Variants in COL4A3 observed in about 807,000 individuals in gnomAD.
COL4A3 encodes collagen alpha-3(IV) chain.
COL4A3 carries 135 observed loss-of-function variants against 217.4 expected under a neutral mutation model. That is an observed-to-expected ratio of 0.62 (90% CI 0.54 to 0.72). The LOEUF is 0.72. Ranked by LOEUF, COL4A3 falls within the 30% of genes least tolerant of loss-of-function variation. COL4A3 has a pLI of 0.00. For missense variants in COL4A3, 1,868 were observed against 2,119.9 expected (o/e 0.88, Z 2.33); for synonymous variants, 690 against 736.3 (o/e 0.94, Z 1.02).
At position 227,270,818 on chromosome 2, in the gene COL4A3, G is replaced by A. The variant is rs532699116; in HGVS notation, c.1624G>A (p.Glu542Lys). The change falls in exon 25 of 52, where the codon GAA (glutamate) becomes AAA (lysine). Residue 542 changes from glutamate (E) to lysine (K), a missense_variant. By Grantham distance (56) the Glu-to-Lys change is moderately conservative. Coordinates refer to ENST00000396578, the MANE Select transcript of COL4A3 (RefSeq NM_000091.5). ...GDPGLKGEKG[E>K]TLQPEGQVGV... ...CCCAGGACTTAAAGGAGAAAAAGGT[G>A]AAACACTTCAGCCTGAGGGGCAAGT... 8.1e-6 allele frequency: 13 copies of A among 1,614,154 alleles called. No homozygotes were observed. The highest frequency in any genetic ancestry group is 2.2e-5 in the East Asian group (1 of 44,888).
chr2:227,239,393 G>T (rs75361253), intron 2 of COL4A3, among the ~76,000 whole-genome samples: 2,626 of 146,868 alleles, frequency 0.018, 77 homozygotes, highest in African/African-American at 0.06. Context: ...AGAATCCACA[G>T]GTTTTCGTGT....
At chr2:227,231,978 G>A (rs1235410656) in intron 1 of COL4A3, among the ~76,000 whole-genome samples, 1 of 151,664 alleles carries the variant, frequency 6.6e-6, no homozygotes, top group African/African-American at 2.4e-5. Flanking sequence ...CTAAGCTTCT[G>A]GTAACCATTC....
intron 3 of COL4A3, among the ~76,000 whole-genome samples, chr2:227,241,717 A>G (rs1162085978): frequency 6.6e-6 from 1 of 152,118 alleles, no homozygotes; most frequent in Non-Finnish European, 1.5e-5. Context: ...TATTAAAATA[A>G]TGTATGAAAT....
intron 32 of COL4A3, among the ~76,000 whole-genome samples, chr2:227,283,479 T>C (rs1306636781): frequency 6.6e-6 from 1 of 152,196 alleles, no homozygotes; most frequent in Non-Finnish European, 1.5e-5. Context: ...AGGGATAGAA[T>C]AGAAAGTGAC....
chr2:227,295,995 C>T (rs574508200), intron 41 of COL4A3, among the ~76,000 whole-genome samples: 9 of 152,312 alleles, frequency 5.9e-5, no homozygotes, highest in South Asian at 2.1e-4. Context: ...CTCAGCCACG[C>T]GTCCTATGAA....
intron 26 of COL4A3, among the ~76,000 whole-genome samples, chr2:227,274,939 G>A (rs1427607286): frequency 6.6e-6 from 1 of 152,156 alleles, no homozygotes; most frequent in Non-Finnish European, 1.5e-5. Flanking sequence ...AATGTTTAAT[G>A]ATATTTTGTG....
At chr2:227,287,203 G>A (rs919078409) in intron 34 of COL4A3, among the ~76,000 whole-genome samples, 1 of 152,212 alleles carries the variant, frequency 6.6e-6, no homozygotes, top group African/African-American at 2.4e-5. Flanking sequence ...GGAGGCCGAG[G>A]CGGGTGGATC....
Position 227,164,934 on chromosome 2 carries a change from G to A in COL4A3, c.87+121G>A. 8.3e-7 allele frequency: 1 copy of A among 1,210,786 alleles called. No homozygotes were observed. Among genetic ancestry groups the A allele is most frequent in the Non-Finnish European group, 1.1e-6 (1 of 916,670 alleles). The allele number at this position is 1,210,786 out of a possible 1,614,324, so 75.0% of individuals were successfully genotyped here. A position where few individuals can be genotyped will look rare whatever the true frequency, so the allele number is the denominator to read the frequency against. On this transcript the variant is annotated intron_variant, in intron 1 of 51. Coordinates refer to ENST00000396578, the MANE Select transcript of COL4A3 (RefSeq NM_000091.5). This position sits in a 1 kb window ranked among gnomAD's most constrained non-coding sequence, Gnocchi z 4.8. ...GGAGCGGCTGCCGGGCTAGTGGCGA[G>A]GCTGAGGGCTTCACGCAGGTCCCGG...
At chr2:227,204,075 A>G (rs1160144141) in intron 1 of COL4A3, among the ~76,000 whole-genome samples, 2 of 152,142 alleles carry the variant, frequency 1.3e-5, no homozygotes, top group Admixed American at 6.5e-5. Flanking sequence ...TTAAATGAAC[A>G]GCACTAATAT....
chr2:227,260,183 C>T (rs562327584), intron 19 of COL4A3: 78 of 514,598 alleles, frequency 1.5e-4, no homozygotes, highest in African/African-American at 1.3e-3. Context: ...AATGGGATTA[C>T]GAAGGGAAAA....
chr2:227,276,581 T>C lies in COL4A3; in HGVS notation c.2020+104T>C, dbSNP rs1161192178. ...CATTATAAGGAAAAAAATGTATTCA[T>C]TGGCTCCAAAAGAGAGCACAGGGCA... On this transcript the variant is annotated intron_variant, in intron 27 of 51. Transcript: ENST00000396578. 1.6e-5 allele frequency: 14 copies of C among 876,834 alleles called. No individual in the cohort carries two copies. In the East Asian group the frequency reaches 2.0e-4, roughly 13 times the overall value. The allele number at this position is 876,834 out of a possible 1,614,324, so 54.3% of individuals were successfully genotyped here.
In COL4A3 at chr2:227,257,599, G is replaced by A. The variant is rs1574711167; in HGVS notation, c.988-4G>A. ...TCACAATTTGTAAATGTCTTTCACT[G>A]TAGGGACAGAAAGGGGACATTGGCC... On this transcript the variant is annotated splice_region_variant and splice_polypyrimidine_tract_variant and intron_variant, in intron 17 of 51. Coordinates refer to ENST00000396578, the MANE Select transcript of COL4A3 (RefSeq NM_000091.5). 2 of 1,613,546 alleles carry A rather than the reference G, an allele frequency of 1.2e-6. No homozygotes were observed. Among genetic ancestry groups the A allele is most frequent in the Non-Finnish European group, 1.7e-6 (2 of 1,179,482 alleles).
chr2:227,252,092 CAG>C (rs1347167358), intron 11 of COL4A3, among the ~76,000 whole-genome samples: 1 of 129,284 alleles, frequency 7.7e-6, no homozygotes, highest in Non-Finnish European at 1.6e-5. Flanking sequence ...AAAAAAAAAA[CAG>C]AAGTGCAATT....
rs764376138 is a variant in COL4A3, at chr2:227,297,776, TC to T, written c.3671del (p.Pro1224GlnfsTer40). The T allele has an allele frequency of 2.5e-6, 4 of 1,590,638 alleles. No individual in the cohort carries two copies. The highest frequency in any genetic ancestry group is 1.8e-5 in the Admixed American group (1 of 56,028). ...GPRGPTGIEG[F>X]PGPPGLPGAI... is the part of the protein sequence containing the mutation. Reference sequence around the variant, plus strand: ...CGAGGACCCACAGGCATAGAAGGATTCCCAGGGCCACCAGGTCTGCCCGGTG... The same window carrying T: ...CGAGGACCCACAGGCATAGAAGGATTCCAGGGCCACCAGGTCTGCCCGGTG... On this transcript the variant is annotated frameshift_variant, in exon 42 of 52. Transcript: ENST00000396578. LOFTEE classifies it high-confidence loss of function.
chr2:227,284,640 T>C (rs1258327747), intron 34 of COL4A3, among the ~76,000 whole-genome samples: 1 of 152,208 alleles, frequency 6.6e-6, no homozygotes, highest in Non-Finnish European at 1.5e-5. Context: ...ACTCCCTCTT[T>C]GCCAAGTATG....
intron 1 of COL4A3, among the ~76,000 whole-genome samples, chr2:227,215,002 T>C (rs529359130): frequency 2.0e-5 from 3 of 152,350 alleles, no homozygotes; most frequent in East Asian, 3.9e-4. Flanking sequence ...CTGAAACGTA[T>C]ACTGGATACT....
At chr2:227,305,850 C>G (rs569369338) in intron 47 of COL4A3, among the ~76,000 whole-genome samples, 1 of 152,268 alleles carries the variant, frequency 6.6e-6, no homozygotes, top group African/African-American at 2.4e-5. Flanking sequence ...ATATCCAAAT[C>G]TTCTATTTTT....
chr2:227,289,264 A>C lies in COL4A3; in HGVS notation c.2980+16A>C. 6.3e-7 allele frequency: 1 copy of C among 1,591,412 alleles called. No homozygotes were observed. Among genetic ancestry groups the C allele is most frequent in the Non-Finnish European group, 8.6e-7 (1 of 1,161,148 alleles). ...GGACCACCAGGTACAGCTGATTCTC[A>C]AATAGAAAAATATCACATTTTACAC... On this transcript the variant is annotated intron_variant, in intron 35 of 51. Coordinates refer to ENST00000396578, the MANE Select transcript of COL4A3 (RefSeq NM_000091.5).
At chr2:227,205,071 G>T (rs969337816) in intron 1 of COL4A3, among the ~76,000 whole-genome samples, 7 of 152,142 alleles carry the variant, frequency 4.6e-5, no homozygotes, top group African/African-American at 1.4e-4. Flanking sequence ...TTTATTTAGA[G>T]AGAAATGTAA....
Sources: allele counts gnomAD v4.1 joint callset (sites outside exome capture counted in the v4.1 genomes callset), GRCh38; gene constraint gnomAD v4.1.1; non-coding constraint Gnocchi (gnomAD v3.1); transcripts MANE v1.5; gene names NCBI Gene and HGNC (gene_info 2026-07-23, HGNC 2026-07-21).